The following NCAM1 variants were observed in gnomAD, a reference collection of about 807,000 sequenced individuals.
NCAM1 encodes the protein antigen recognized by monoclonal antibody 5.1H11.
A neutral mutation model predicts 109.8 loss-of-function variants in NCAM1; 14 were observed. That is an observed-to-expected ratio of 0.13 (90% confidence interval 0.08 to 0.20). NCAM1 has a LOEUF of 0.20. NCAM1 is among the 10% of genes least tolerant of loss of function. The probability of loss-of-function intolerance (pLI) is 1.00; values close to 1 mark genes in which losing one functional copy is unlikely to be tolerated. For synonymous variants in NCAM1, 418 were observed against 442.9 expected (o/e 0.94, Z 0.70); for missense variants, 774 against 1,109.9 (o/e 0.70, Z 4.30).
intron 1 of NCAM1, among the ~76,000 whole-genome samples, chr11:113,112,993 A>C (rs782471276): frequency 2.6e-5 from 4 of 152,052 alleles, no homozygotes; most frequent in Non-Finnish European, 4.4e-5. Flanking sequence ...TTAGACAGGC[A>C]TGGGGGTGTG....
chr11:113,140,011 G>A (rs145534206), intron 1 of NCAM1, among the ~76,000 whole-genome samples: 1 of 152,276 alleles, frequency 6.6e-6, no homozygotes, highest in East Asian at 1.9e-4. Context: ...CATACCTCAA[G>A]TGATAAGCAG....
At chr11:113,210,772 A>AC (rs1944363692) in intron 7 of NCAM1, among the ~76,000 whole-genome samples, 1 of 123,522 alleles carries the variant, frequency 8.1e-6, no homozygotes, top group African/African-American at 3.5e-5. Context: ...CCTCTTCATC[A>AC]CAAACACACA....
At chr11:113,059,093 T>C (rs1285371668) in intron 1 of NCAM1, among the ~76,000 whole-genome samples, 2 of 152,128 alleles carry the variant, frequency 1.3e-5, no homozygotes, top group Non-Finnish European at 2.9e-5. Context: ...TCTAGGCTTC[T>C]CCCCCACTTG....
At chr11:113,083,481 T>C (rs991965197) in intron 1 of NCAM1, among the ~76,000 whole-genome samples, 1 of 152,206 alleles carries the variant, frequency 6.6e-6, no homozygotes, top group Non-Finnish European at 1.5e-5. Flanking sequence ...CCACTTCTAC[T>C]TGGGCCATTG....
intron 1 of NCAM1, among the ~76,000 whole-genome samples, chr11:113,018,721 G>A (rs1555075728): frequency 6.6e-6 from 1 of 152,098 alleles, no homozygotes; most frequent in Non-Finnish European, 1.5e-5. Context: ...TACTGCTGTG[G>A]TTGTGCTTGG....
chr11:113,016,568 G>C (rs898147446), intron 1 of NCAM1, among the ~76,000 whole-genome samples: 1 of 152,222 alleles, frequency 6.6e-6, no homozygotes, highest in Non-Finnish European at 1.5e-5. Context: ...GCATCCAGGA[G>C]GGAAAGAGAC....
At chr11:112,971,080 A>C (rs1315248664) in intron 1 of NCAM1, among the ~76,000 whole-genome samples, 2 of 152,130 alleles carry the variant, frequency 1.3e-5, no homozygotes, top group African/African-American at 4.8e-5. Context: ...ATGGATGATG[A>C]AATCTGTTTA....
At chr11:113,149,953 G>A (rs1942167618) in intron 1 of NCAM1, among the ~76,000 whole-genome samples, 1 of 152,060 alleles carries the variant, frequency 6.6e-6, no homozygotes, top group South Asian at 2.1e-4. Context: ...GGTAAAATTG[G>A]GCAGCATATA....
At chr11:113,097,508 C>T (rs79336332) in intron 1 of NCAM1, among the ~76,000 whole-genome samples, 2,995 of 152,114 alleles carry the variant, frequency 0.02, 91 homozygotes, top group African/African-American at 0.068. Flanking sequence ...CATACCCTCC[C>T]GTTAGCTGAA....
intron 1 of NCAM1, among the ~76,000 whole-genome samples, chr11:113,156,922 A>G (rs1942427405): frequency 6.6e-6 from 1 of 151,984 alleles, no homozygotes; most frequent in African/African-American, 2.4e-5. Context: ...TGCTTTAGGG[A>G]ATGGAAAAGG....
Position 113,122,675 on chromosome 11 carries a change from T to C in NCAM1, c.53-79704T>C, listed in dbSNP as rs541131463. ...AGTGCATGTCTGTAATCCCAGCTAT[T>C]CGGGAGGCTGAGGCAAGGGAATTGC... is the stretch of plus-strand genomic sequence containing the variant. On this transcript the variant is annotated intron_variant, in intron 1 of 19. Transcript: ENST00000316851. Among the ~76,000 whole-genome samples the C allele has an allele frequency of 4.4e-4, 67 of 152,140 alleles. No individual in the cohort carries two copies. The South Asian group carries it at 6.0e-3, about 14-fold the overall frequency.
intron 8 of NCAM1, 70 bp from the exon 9 acceptor site, chr11:113,221,226 C>G: frequency 1.4e-6 from 2 of 1,479,358 alleles, no homozygotes; most frequent in Non-Finnish European, 1.8e-6. Flanking sequence ...CAGTGTGATA[C>G]ATTCTCTAAA....
chr11:113,173,489 C>A (rs1943051204), intron 1 of NCAM1, among the ~76,000 whole-genome samples: 1 of 151,204 alleles, frequency 6.6e-6, no homozygotes, highest in African/African-American at 2.4e-5. Flanking sequence ...TGCGTGGTCT[C>A]TGCTGTTTTA....
At chr11:113,206,834 G>A (rs887027296) in intron 5 of NCAM1, among the ~76,000 whole-genome samples, 5 of 152,166 alleles carry the variant, frequency 3.3e-5, no homozygotes, top group Admixed American at 2.6e-4. Flanking sequence ...TGATGCATTC[G>A]AATTGGTGTT....
At chr11:113,236,422 T>G in intron 14 of NCAM1, 11 of 1,229,346 alleles carry the variant, frequency 8.9e-6, no homozygotes, top group Non-Finnish European at 1.3e-5. Context: ...GAGGCTGAAG[T>G]AGATGATATT....
intron 1 of NCAM1, among the ~76,000 whole-genome samples, chr11:113,117,923 C>A (rs1453336811): frequency 2.0e-5 from 3 of 151,988 alleles, no homozygotes; most frequent in Non-Finnish European, 2.9e-5. Flanking sequence ...GCATCTCAGG[C>A]AGTCATTTGG....
chr11:113,259,130 C>T (rs942042599), intron 16 of NCAM1, among the ~76,000 whole-genome samples: 1 of 149,440 alleles, frequency 6.7e-6, no homozygotes, highest in Admixed American at 6.7e-5. Context: ...CGGCTCGCTG[C>T]AAGCTCTGCC....
intron 1 of NCAM1, among the ~76,000 whole-genome samples, chr11:113,122,677 G>A (rs1278853845): frequency 3.9e-5 from 6 of 152,036 alleles, no homozygotes; most frequent in South Asian, 2.1e-4. Context: ...CCAGCTATTC[G>A]GGAGGCTGAG....
At chr11:112,968,090 T>A (rs1555065957) in intron 1 of NCAM1, among the ~76,000 whole-genome samples, 1 of 152,166 alleles carries the variant, frequency 6.6e-6, no homozygotes, top group Admixed American at 6.5e-5. Flanking sequence ...CCCACTTGCT[T>A]GGGAATATAA....
Sources: allele counts gnomAD v4.1 joint callset (sites outside exome capture counted in the v4.1 genomes callset), GRCh38; gene constraint gnomAD v4.1.1; transcripts MANE v1.5; gene names NCBI Gene and HGNC (gene_info 2026-07-23, HGNC 2026-07-21).